Variants in CCSER1 observed in about 807,000 individuals in gnomAD.
The protein encoded by CCSER1 is serine-rich coiled-coil domain-containing protein 1.
CCSER1 carries 41 observed loss-of-function variants against 82.0 expected under a neutral mutation model. The observed-to-expected ratio is 0.50, with a 90% CI of 0.39 to 0.65. The LOEUF (loss-of-function observed/expected upper bound fraction) is 0.65, where lower values mean the gene tolerates loss of function less well. Among genes scored for constraint, CCSER1 ranks in the 30% least tolerant of loss-of-function variants. The pLI, the probability that CCSER1 is intolerant of heterozygous loss-of-function variation, is 0.00. For missense variants in CCSER1, 1,119 were observed against 1,064.2 expected (o/e 1.05, Z -0.72); for synonymous variants, 414 against 383.9 (o/e 1.08, Z -0.92).
At chr4:91,068,378 C>T (rs983125271) in intron 9 of CCSER1, among the ~76,000 whole-genome samples, 23 of 152,270 alleles carry the variant, frequency 1.5e-4, no homozygotes, top group African/African-American at 4.8e-4. Context: ...ATGTAAGCCA[C>T]GGTACATTTT....
At chr4:90,212,089 C>T (rs185269219) in intron 1 of CCSER1, among the ~76,000 whole-genome samples, 29 of 152,256 alleles carry the variant, frequency 1.9e-4, no homozygotes, top group African/African-American at 5.5e-4. Context: ...ATACTTTCTT[C>T]GGGAGATTCT....
intron 10 of CCSER1, among the ~76,000 whole-genome samples, chr4:91,414,425 T>C (rs1753234791): frequency 6.6e-6 from 1 of 151,922 alleles, no homozygotes; most frequent in South Asian, 2.1e-4. Flanking sequence ...AAACCTGTAG[T>C]AGATACATAA....
intron 9 of CCSER1, among the ~76,000 whole-genome samples, chr4:90,992,866 T>C (rs753949281): frequency 2.6e-5 from 4 of 151,954 alleles, no homozygotes; most frequent in African/African-American, 4.8e-5. Flanking sequence ...CAATCTTATG[T>C]AACCATCTAA....
chr4:90,812,748 T>G (rs1381104419), intron 7 of CCSER1, among the ~76,000 whole-genome samples: 1 of 152,016 alleles, frequency 6.6e-6, no homozygotes, highest in Non-Finnish European at 1.5e-5. Context: ...GGCGGAAGGC[T>G]GAGGGGAAGC....
intron 10 of CCSER1, among the ~76,000 whole-genome samples, chr4:91,407,508 T>G (rs1396974051): frequency 1.3e-5 from 2 of 152,268 alleles, no homozygotes; most frequent in Admixed American, 6.5e-5. Context: ...GCCTTTTTAG[T>G]ATGTTTGTGT....
intron 7 of CCSER1, among the ~76,000 whole-genome samples, chr4:90,811,250 G>A (rs1206394777): frequency 1.3e-5 from 2 of 152,180 alleles, no homozygotes; most frequent in African/African-American, 2.4e-5. Flanking sequence ...GTGAGGAGAT[G>A]TGAAACAACA....
In CCSER1 at chr4:90,639,189, T is replaced by TTA. The variant is rs569941679; in HGVS notation, c.1932+10968_1932+10969dup. Among the ~76,000 whole-genome samples the TTA allele has an allele frequency of 1.4e-3, 205 of 151,118 alleles. 3 individuals are homozygous for TTA. In the East Asian group the frequency reaches 0.018, roughly 13 times the overall value. The stretch of plus-strand genomic sequence containing the variant: ...AATTAAAAAAGCATATATATATTCT[T>TTA]TATATATATATACACATATATATCA... On this transcript the variant is annotated intron_variant, in intron 6 of 10. Coordinates refer to ENST00000509176, the MANE Select transcript of CCSER1 (RefSeq NM_001145065.2).
intron 3 of CCSER1, among the ~76,000 whole-genome samples, chr4:90,325,348 CTT>C (rs1234757488): frequency 6.6e-6 from 1 of 152,086 alleles, no homozygotes; most frequent in Non-Finnish European, 1.5e-5. Context: ...AATTAGATAT[CTT>C]TTACCTGTAA....
intron 10 of CCSER1, among the ~76,000 whole-genome samples, chr4:91,302,752 C>G (rs1744764405): frequency 1.3e-5 from 2 of 151,772 alleles, no homozygotes; most frequent in Non-Finnish European, 2.9e-5. Context: ...CCTAAACTTT[C>G]TTATCCCTTA....
chr4:90,865,779 C>T (rs774510292), intron 8 of CCSER1, among the ~76,000 whole-genome samples: 21 of 151,956 alleles, frequency 1.4e-4, no homozygotes, highest in Non-Finnish European at 2.8e-4. Flanking sequence ...CCTCTCCATA[C>T]ACATTTTTTA....
chr4:90,502,261 A>C (rs1423608991), intron 5 of CCSER1, among the ~76,000 whole-genome samples: 1 of 152,100 alleles, frequency 6.6e-6, no homozygotes, highest in African/African-American at 2.4e-5. Context: ...TGTGAAGGGG[A>C]AGCAAGCAGG....
intron 4 of CCSER1, among the ~76,000 whole-genome samples, chr4:90,425,011 G>T (rs1560498861): frequency 1.3e-5 from 2 of 151,952 alleles, no homozygotes; most frequent in Non-Finnish European, 2.9e-5. Context: ...CTTTATTCAG[G>T]CCATCGTTTT....
intron 10 of CCSER1, among the ~76,000 whole-genome samples, chr4:91,253,824 CG>C (rs533689053): frequency 1.7e-3 from 259 of 152,058 alleles, no homozygotes; most frequent in African/African-American, 5.9e-3. Flanking sequence ...GGGAGTGAGA[CG>C]TCACACATGG....
chr4:90,181,872 T>C (rs1308280858), intron 1 of CCSER1, among the ~76,000 whole-genome samples: 1 of 151,948 alleles, frequency 6.6e-6, no homozygotes, highest in Non-Finnish European at 1.5e-5. Flanking sequence ...CCTCTGAGAG[T>C]GTGAGACAGC....
chr4:90,320,247 G>T (rs975321494), intron 3 of CCSER1, among the ~76,000 whole-genome samples: 1 of 152,132 alleles, frequency 6.6e-6, no homozygotes, highest in Admixed American at 6.5e-5. Flanking sequence ...AAAATTTCTG[G>T]TTAAATAATG....
chr4:90,675,116 A>G lies in CCSER1; in HGVS notation c.1932+46884A>G, dbSNP rs928784586. On this transcript the variant is annotated intron_variant, in intron 6 of 10. Coordinates refer to ENST00000509176, the MANE Select transcript of CCSER1 (RefSeq NM_001145065.2). Reference sequence around the variant, plus strand: ...CATCCTTTCTCATTTCATTTTCGTCATTGATGAATAGTGATTATTAATAGT... The same window carrying G: ...CATCCTTTCTCATTTCATTTTCGTCGTTGATGAATAGTGATTATTAATAGT... 6.0e-4 allele frequency among the ~76,000 whole-genome samples: 92 copies of G among 152,080 alleles called. No homozygotes were observed. In the Middle Eastern group the frequency reaches 0.01, roughly 17 times the overall value.
intron 10 of CCSER1, among the ~76,000 whole-genome samples, chr4:91,184,805 A>T (rs1734368485): frequency 6.6e-6 from 1 of 152,168 alleles, no homozygotes; most frequent in Non-Finnish European, 1.5e-5. Flanking sequence ...TACCAGGGAC[A>T]TACCTCATTT....
In CCSER1 at chr4:91,115,819, T is replaced by A. The variant is rs1479433858; in HGVS notation, c.2217+29825T>A. Among the ~76,000 whole-genome samples, 7 of 131,948 alleles carry A rather than the reference T, an allele frequency of 5.3e-5. No individual in the cohort carries two copies. The South Asian group carries it at 1.2e-3, about 22-fold the overall frequency. The allele number at this position is 131,948 out of a possible 152,430, so 86.6% of individuals were successfully genotyped here. On this transcript the variant is annotated intron_variant, in intron 10 of 10. Coordinates refer to ENST00000509176, the MANE Select transcript of CCSER1 (RefSeq NM_001145065.2). ...TCCTAGCTTTTTCTTTTTTTTTTTT[T>A]TTTTTTCAAATTTCCATTCTTTTAT...
At chr4:90,730,392 G>T (rs1744481326) in intron 7 of CCSER1, among the ~76,000 whole-genome samples, 1 of 151,898 alleles carries the variant, frequency 6.6e-6, no homozygotes, top group East Asian at 1.9e-4. Context: ...TGCATTTCTG[G>T]TCATTTTTTA....
Sources: allele counts gnomAD v4.1 joint callset (sites outside exome capture counted in the v4.1 genomes callset), GRCh38; gene constraint gnomAD v4.1.1; transcripts MANE v1.5; gene names NCBI Gene and HGNC (gene_info 2026-07-23, HGNC 2026-07-21).